STIMATE: variants seen among roughly 807,000 people sequenced by gnomAD.
STIMATE encodes STIM activating enhancer.
Under a neutral mutation model 36.7 loss-of-function variants are expected in STIMATE, and 15 were observed. The observed-to-expected ratio is 0.41, with a 90% CI of 0.27 to 0.63. The LOEUF (loss-of-function observed/expected upper bound fraction) is 0.63. Among genes scored for constraint, STIMATE ranks in the 20% least tolerant of loss-of-function variants. STIMATE has a pLI of 0.32. For missense variants in STIMATE, 305 were observed against 397.3 expected (o/e 0.77, Z 1.98); for synonymous variants, 163 against 162.3 (o/e 1.00, Z -0.03).
At chr3:52,883,480 A>G (rs574554743) in intron 1 of STIMATE, among the ~76,000 whole-genome samples, 7 of 152,200 alleles carry the variant, frequency 4.6e-5, no homozygotes, top group Non-Finnish European at 1.0e-4. Context: ...CTATGAGTTT[A>G]TAATTTTCAT....
intron 1 of STIMATE, among the ~76,000 whole-genome samples, chr3:52,892,749 G>C (rs1005265864): frequency 6.6e-6 from 1 of 152,198 alleles, no homozygotes; most frequent in African/African-American, 2.4e-5. Flanking sequence ...ACGAGGGAGA[G>C]ACTGAGAGGT....
chr3:52,896,262 G>C (rs1701863217), intron 1 of STIMATE, among the ~76,000 whole-genome samples: 1 of 152,178 alleles, frequency 6.6e-6, no homozygotes, highest in African/African-American at 2.4e-5. Context: ...CTTTCTGCAG[G>C]AACTCTCCAC....
At chr3:52,854,259 T>C (rs1192728749) in intron 2 of STIMATE, among the ~76,000 whole-genome samples, 1 of 152,108 alleles carries the variant, frequency 6.6e-6, no homozygotes, top group Non-Finnish European at 1.5e-5. Flanking sequence ...AGCCTTTTGC[T>C]CTAATGAAGG....
chr3:52,884,229 T>C (rs938931998), intron 1 of STIMATE, among the ~76,000 whole-genome samples: 12 of 149,596 alleles, frequency 8.0e-5, no homozygotes, highest in African/African-American at 1.2e-4. Flanking sequence ...GATACAGTAA[T>C]TTCCATCACC....
At chr3:52,861,636 T>C (rs1029423165) in intron 1 of STIMATE, among the ~76,000 whole-genome samples, 4 of 152,216 alleles carry the variant, frequency 2.6e-5, no homozygotes, top group African/African-American at 9.7e-5. Context: ...GATGAACATG[T>C]GCTCAGGAGA....
At chr3:52,875,803 G>A (rs1404850029) in intron 1 of STIMATE, among the ~76,000 whole-genome samples, 1 of 152,218 alleles carries the variant, frequency 6.6e-6, no homozygotes, top group East Asian at 1.9e-4. Flanking sequence ...CTTGACATCT[G>A]TAGGTCAAAT....
chr3:52,859,931 C>T lies in STIMATE; in HGVS notation c.161-4487G>A, dbSNP rs191210760. Among the ~76,000 whole-genome samples, 300 of 152,028 alleles carry T rather than the reference C, an allele frequency of 2.0e-3. 2 individuals carry two copies. The highest frequency in any genetic ancestry group is 8.3e-4 in the South Asian group (4 of 4,812). On this transcript the variant is annotated intron_variant, in intron 1 of 7. Coordinates refer to ENST00000355083, the MANE Select transcript of STIMATE (RefSeq NM_198563.5). The stretch of plus-strand genomic sequence containing the variant: ...GCCCTGAGACAGCCACATATAGGAG[C>T]ACCTTTGATCAAGTTCAGAATGGAA...
chr3:52,860,054 CTTT>C (rs11295590), intron 1 of STIMATE, among the ~76,000 whole-genome samples: 102 of 132,458 alleles, frequency 7.7e-4, no homozygotes, highest in Non-Finnish European at 9.4e-4. Context: ...AGTCCAGATT[CTTT>C]TTTTTTTTTT....
chr3:52,890,149 A>G (rs142616258), intron 1 of STIMATE, among the ~76,000 whole-genome samples: 2 of 152,238 alleles, frequency 1.3e-5, no homozygotes, highest in East Asian at 1.9e-4. Context: ...GGCTTCTACA[A>G]TCCTCTTCAC....
At chr3:52,889,657 A>G (rs1386234502) in intron 1 of STIMATE, among the ~76,000 whole-genome samples, 1 of 152,166 alleles carries the variant, frequency 6.6e-6, no homozygotes, top group Admixed American at 6.5e-5. Context: ...ACGTCTGTCC[A>G]CATCACTGTC....
At chr3:52,885,819 G>C (rs1484810895) in intron 1 of STIMATE, among the ~76,000 whole-genome samples, 1 of 152,246 alleles carries the variant, frequency 6.6e-6, no homozygotes, top group Non-Finnish European at 1.5e-5. Context: ...GCCTCCAGCA[G>C]AATGTTGGTG....
At chr3:52,874,069 T>C (rs755384784) in intron 1 of STIMATE, among the ~76,000 whole-genome samples, 2 of 152,230 alleles carry the variant, frequency 1.3e-5, no homozygotes, top group Admixed American at 6.5e-5. Context: ...TTTTCCTCTA[T>C]AGTTACACCT....
chr3:52,858,382 T>A (rs956791139), intron 1 of STIMATE, among the ~76,000 whole-genome samples: 1 of 152,106 alleles, frequency 6.6e-6, no homozygotes, highest in Non-Finnish European at 1.5e-5. Context: ...ACACCTGTAA[T>A]CCAAACTTAA....
intron 1 of STIMATE, among the ~76,000 whole-genome samples, chr3:52,860,158 T>C (rs1055136326): frequency 3.4e-5 from 5 of 149,158 alleles, no homozygotes; most frequent in Admixed American, 2.7e-4. Flanking sequence ...TTCATTCATC[T>C]ACCATCATAT....
In STIMATE at chr3:52,843,264, C is replaced by G. The variant is rs1225791641; in HGVS notation, c.619-304G>C. 1.8e-5 allele frequency: 8 copies of G among 433,854 alleles called. No homozygotes were observed. The East Asian group carries it at 2.7e-4, about 15-fold the overall frequency. 26.9% of individuals were successfully genotyped at this position (433,854 alleles called of 1,614,324 possible). On this transcript the variant is annotated intron_variant, in intron 6 of 7. Coordinates refer to ENST00000355083, the MANE Select transcript of STIMATE (RefSeq NM_198563.5). The stretch of plus-strand genomic sequence containing the variant: ...AAGGTCTCTGGACACGCGTTCCAGG[C>G]CCCTCCCCACAGACTCCATGTGGGT...
intron 1 of STIMATE, among the ~76,000 whole-genome samples, chr3:52,857,273 T>A (rs1245681011): frequency 6.6e-6 from 1 of 152,200 alleles, no homozygotes; most frequent in Non-Finnish European, 1.5e-5. Context: ...AGGTCTGTCA[T>A]CTCTTTGACA....
At chr3:52,883,072 T>C (rs189879204) in intron 1 of STIMATE, among the ~76,000 whole-genome samples, 6 of 152,348 alleles carry the variant, frequency 3.9e-5, no homozygotes, top group African/African-American at 9.6e-5. Context: ...TAACTAAAGA[T>C]GTCAAAACTT....
At chr3:52,861,150 G>A (rs1467500901) in intron 1 of STIMATE, among the ~76,000 whole-genome samples, 1 of 152,212 alleles carries the variant, frequency 6.6e-6, no homozygotes, top group South Asian at 2.1e-4. Context: ...GGAGGCTGAT[G>A]GAGGGTAGCA....
At chr3:52,886,833 A>G (rs1470198430) in intron 1 of STIMATE, among the ~76,000 whole-genome samples, 1 of 152,230 alleles carries the variant, frequency 6.6e-6, no homozygotes. Flanking sequence ...ACCTCAGGTT[A>G]TGATGCACTG....
Sources: allele counts gnomAD v4.1 joint callset (sites outside exome capture counted in the v4.1 genomes callset), GRCh38; gene constraint gnomAD v4.1.1; transcripts MANE v1.5; gene names NCBI Gene and HGNC (gene_info 2026-07-23, HGNC 2026-07-21).